Variants in CDH11 observed in about 807,000 individuals in gnomAD.
CDH11 encodes cadherin 11, also known as cadherin-11.
A neutral mutation model predicts 67.8 loss-of-function variants in CDH11; 11 were observed. That is an observed-to-expected ratio of 0.16 (90% CI 0.10 to 0.27). The LOEUF is 0.27. Ranked by LOEUF, CDH11 falls within the 10% of genes least tolerant of loss-of-function variation. The pLI is 1.00. For synonymous variants in CDH11, 419 were observed against 400.0 expected (o/e 1.05, Z -0.57); for missense variants, 847 against 1,031.2 (o/e 0.82, Z 2.45).
intron 12 of CDH11, chr16:64,948,652 G>A (rs931799780): frequency 4.3e-6 from 7 of 1,611,794 alleles, no homozygotes; most frequent in Non-Finnish European, 5.9e-6. Context: ...ATAGAGGAAA[G>A]GAAGTTTTAT....
upstream of CDH11, chr16:65,122,124 GC>G: frequency 9.6e-6 from 5 of 520,676 alleles, no homozygotes; most frequent in East Asian, 3.9e-5. Context: ...GGGCGGGCAG[GC>G]GGGTGCGGGG....
At chr16:64,990,408 T>G (rs958449879) in intron 6 of CDH11, among the ~76,000 whole-genome samples, 1 of 152,196 alleles carries the variant, frequency 6.6e-6, no homozygotes, top group Non-Finnish European at 1.5e-5. Flanking sequence ...GTAGCCTTCC[T>G]TGTTATCTCA....
intron 1 of CDH11, among the ~76,000 whole-genome samples, chr16:65,092,784 C>CAAA (rs573644581): frequency 1.0e-5 from 1 of 99,004 alleles, no homozygotes; most frequent in African/African-American, 3.5e-5. Flanking sequence ...GGACATTTTC[C>CAAA]AAAAAAAAAA....
At chr16:65,039,352 T>C (rs954281285) in intron 2 of CDH11, among the ~76,000 whole-genome samples, 13 of 152,244 alleles carry the variant, frequency 8.5e-5, no homozygotes, top group African/African-American at 2.6e-4. Context: ...GGTACTGGTA[T>C]CAAAACAGAG....
chr16:65,004,671 T>G lies in CDH11; in HGVS notation c.199A>C (p.Thr67Pro). The change falls in exon 3 of 13, where the codon ACC becomes CCC. Residue 67 changes from threonine to proline, a missense_variant. Transcript: ENST00000268603. ...WNQFFVIEEY[T>P]GPDPVLVGRL... ...CCCACAAGCACGGGGTCAGGCCCGG[T>G]GTACTCCTCTATCACGAAGAACTGG... The G allele has an allele frequency of 6.2e-7, 1 of 1,613,482 alleles. No homozygotes were observed. Among genetic ancestry groups the G allele is most frequent in the Non-Finnish European group, 8.5e-7 (1 of 1,179,936 alleles).
chr16:65,104,838 G>A (rs1462250530), intron 1 of CDH11, among the ~76,000 whole-genome samples: 1 of 152,172 alleles, frequency 6.6e-6, no homozygotes, highest in Non-Finnish European at 1.5e-5. Context: ...TCATTCAAAA[G>A]AAAGACCCCA....
Position 64,998,618 on chromosome 16 carries a change from G to C in CDH11, c.467C>G (p.Pro156Arg). 3 of 1,614,088 alleles carry C rather than the reference G, an allele frequency of 1.9e-6. No homozygotes were observed. The highest frequency in any genetic ancestry group is 2.5e-6 in the Non-Finnish European group (3 of 1,180,034). Residue 156 changes from proline to arginine, a missense_variant, in exon 4 of 13, where the codon CCT becomes CGT. Physicochemically the swap from Pro to Arg is moderately radical, Grantham distance 103 (BLOSUM62 -2). Around this residue, in one of 2 missense-constraint regions of CDH11, gnomAD observed 235 missense variants for 352.5 expected, o/e 0.67. Transcript: ENST00000268603. ...ATAGGTCTCGTGCAGGAACTCCGGA[G>C]GGTTGTCATTAATGTCCTGGACCTT... is the stretch of plus-strand genomic sequence containing the variant. ...IVKVQDINDN[P>R]PEFLHETYHA...
intron 11 of CDH11, among the ~76,000 whole-genome samples, chr16:64,961,311 G>A (rs1013583311): frequency 3.9e-5 from 6 of 152,184 alleles, no homozygotes; most frequent in Non-Finnish European, 5.9e-5. Flanking sequence ...TTTTGTTGTC[G>A]TTATAATAGA....
chr16:64,963,887 G>GTT (rs1359018619), intron 11 of CDH11, among the ~76,000 whole-genome samples: 1 of 152,128 alleles, frequency 6.6e-6, no homozygotes, highest in Non-Finnish European at 1.5e-5. Context: ...AGGAGAAATA[G>GTT]TTTTTCAGAC....
At chr16:65,082,744 T>C (rs539296502) in intron 1 of CDH11, among the ~76,000 whole-genome samples, 9 of 152,310 alleles carry the variant, frequency 5.9e-5, no homozygotes, top group African/African-American at 2.2e-4. Context: ...AAGTGCAGAG[T>C]CAACTCACAT....
chr16:65,093,479 C>A (rs1341476151), intron 1 of CDH11, among the ~76,000 whole-genome samples: 1 of 152,008 alleles, frequency 6.6e-6, no homozygotes, highest in Non-Finnish European at 1.5e-5. Context: ...GGTTCTAGAA[C>A]AATCAGCAGC....
chr16:64,947,310 T>C lies in CDH11; in HGVS notation c.*293A>G, dbSNP rs1408604707. The C allele has an allele frequency of 8.4e-7, 1 of 1,184,876 alleles. No individual in the cohort carries two copies. The highest frequency in any genetic ancestry group is 3.9e-5 in the East Asian group (1 of 25,786). The allele number at this position is 1,184,876 out of a possible 1,614,324, so 73.4% of individuals were successfully genotyped here. A position where few individuals can be genotyped will look rare whatever the true frequency, so the allele number is the denominator to read the frequency against. ...ATAACACATAAACAATTTCCCTTCA[T>C]TGTCAGTTCAGCGTTAGACTTCTCC... On this transcript the variant is annotated 3_prime_UTR_variant, in exon 13 of 13. Coordinates refer to ENST00000268603, the MANE Select transcript of CDH11 (RefSeq NM_001797.4).
chr16:65,085,851 G>C (rs2074688839), intron 1 of CDH11, among the ~76,000 whole-genome samples: 1 of 152,230 alleles, frequency 6.6e-6, no homozygotes, highest in Non-Finnish European at 1.5e-5. Flanking sequence ...AAATTGCCAT[G>C]TGAAAGGAAG....
rs560953034 is a variant in CDH11, at chr16:64,950,809, C to T, written c.1852G>A (p.Gly618Ser). 1.2e-5 allele frequency: 19 copies of T among 1,614,184 alleles called. No homozygotes were observed. The African/African-American group carries it at 2.4e-4, about 20-fold the overall frequency. ...CAGGCGAGGATGGCGATCAGGGCGCCTGTGCTCAGGCCGGCGTTCAGAATG... is the reference window on the plus strand; with the variant it reads ...CAGGCGAGGATGGCGATCAGGGCGCTTGTGCTCAGGCCGGCGTTCAGAATG... Reference protein sequence around the residue: ...AYILNAGLSTGALIAILACIV... With the variant: ...AYILNAGLSTSALIAILACIV... Residue 618 changes from glycine (G) to serine (S), a missense_variant, in exon 12 of 13, where the codon GGC becomes AGC. Coordinates refer to ENST00000268603, the MANE Select transcript of CDH11 (RefSeq NM_001797.4).
At chr16:65,004,463 A>T (rs908558229) in intron 3 of CDH11, among the ~76,000 whole-genome samples, 179 bp downstream of exon 3, 45 of 152,006 alleles carry the variant, frequency 3.0e-4, no homozygotes, top group Non-Finnish European at 5.7e-4. Flanking sequence ...TAAGTCTATT[A>T]TTTTTTTTAA....
At chr16:65,004,172 C>A (rs1231350413) in intron 3 of CDH11, among the ~76,000 whole-genome samples, 1 of 152,082 alleles carries the variant, frequency 6.6e-6, no homozygotes, top group African/African-American at 2.4e-5. Context: ...TTGAAGCCAA[C>A]CTGGGCAACA....
At chr16:65,050,018 C>A (rs997113843) in intron 2 of CDH11, among the ~76,000 whole-genome samples, 1 of 152,092 alleles carries the variant, frequency 6.6e-6, no homozygotes. Flanking sequence ...CACTCCTATG[C>A]AAATGAAAGA....
At position 64,947,400 on chromosome 16, in the gene CDH11, T is replaced by C; in HGVS notation, c.*203A>G. 7 of 1,333,088 alleles carry C rather than the reference T, an allele frequency of 5.3e-6. No homozygotes were observed. Among genetic ancestry groups the C allele is most frequent in the Admixed American group, 3.4e-5 (1 of 29,188 alleles). The allele number at this position is 1,333,088 out of a possible 1,614,324, so 82.6% of individuals were successfully genotyped here. ...TAGCGAAGTTGATAAACAACTTCAA[T>C]ATTTGCCTTTTTGTGAGAAAAGGTA... On this transcript the variant is annotated 3_prime_UTR_variant, in exon 13 of 13. Transcript: ENST00000268603.
intron 3 of CDH11, among the ~76,000 whole-genome samples, chr16:65,003,558 A>G (rs1239315541): frequency 6.6e-6 from 1 of 152,202 alleles, no homozygotes; most frequent in Non-Finnish European, 1.5e-5. Flanking sequence ...TGCTGGCCGC[A>G]CATATCTTTT....
Sources: gnomAD v4.1 joint callset for allele counts (sites outside exome capture counted in the v4.1 genomes callset) on GRCh38, gnomAD v4.1.1 for gene constraint, gnomAD v4.1.1 regional missense constraint, MANE v1.5 for transcripts, NCBI Gene and HGNC (gene_info 2026-07-23, HGNC 2026-07-21) for gene names.